KIF6: variants seen among roughly 807,000 people sequenced by gnomAD.
The protein encoded by KIF6 is kinesin family member 6, also known as kinesin-like protein KIF6.
KIF6 carries 106 observed loss-of-function variants against 112.7 expected under a neutral mutation model. The ratio of observed to expected loss-of-function variants is 0.94; its 90% CI spans 0.80 to 1.11. The LOEUF (loss-of-function observed/expected upper bound fraction) is 1.11. KIF6 is among the 50% of genes least tolerant of loss of function. KIF6 has a pLI of 0.00. For missense variants in KIF6, 929 were observed against 964.0 expected (o/e 0.96, Z 0.48); for synonymous variants, 339 against 339.9 (o/e 1.00, Z 0.03).
At chr6:39,443,114 AAAT>A (rs370011414) in intron 13 of KIF6, among the ~76,000 whole-genome samples, 8,412 of 131,450 alleles carry the variant, frequency 0.064, 293 homozygotes, top group African/African-American at 0.076. Context: ...ACTGCATCTC[AAAT>A]AATAATAATA....
chr6:39,392,246 C>T (rs759522438), intron 15 of KIF6, among the ~76,000 whole-genome samples: 1 of 152,194 alleles, frequency 6.6e-6, no homozygotes, highest in Non-Finnish European at 1.5e-5. Context: ...CTGCTACATC[C>T]ATTCCACAGA....
chr6:39,365,016 C>T (rs879541253), intron 16 of KIF6, among the ~76,000 whole-genome samples: 4 of 152,086 alleles, frequency 2.6e-5, no homozygotes, highest in Non-Finnish European at 4.4e-5. Flanking sequence ...GTGTGATTGT[C>T]CTTTTGATCC....
chr6:39,364,334 T>G (rs1252738246), intron 16 of KIF6, among the ~76,000 whole-genome samples: 1 of 152,190 alleles, frequency 6.6e-6, no homozygotes, highest in Admixed American at 6.5e-5. Flanking sequence ...TTGGCCAGGA[T>G]GGTCTCGATC....
At chr6:39,468,873 A>G (rs1773957873) in intron 13 of KIF6, among the ~76,000 whole-genome samples, 1 of 152,130 alleles carries the variant, frequency 6.6e-6, no homozygotes, top group African/African-American at 2.4e-5. Flanking sequence ...TGTATCAAAT[A>G]GTATGTATAT....
At chr6:39,477,681 T>C (rs547646403) in intron 13 of KIF6, among the ~76,000 whole-genome samples, 1 of 152,026 alleles carries the variant, frequency 6.6e-6, no homozygotes, top group Non-Finnish European at 1.5e-5. Context: ...GCCAAAATAG[T>C]GAAACCCCAT....
rs1388408469 is a variant in KIF6, at chr6:39,540,167, T to C, written c.1481A>G (p.His494Arg). The C allele has an allele frequency of 2.5e-6, 4 of 1,614,018 alleles. No homozygotes were observed. Among genetic ancestry groups the C allele is most frequent in the Admixed American group, 1.7e-5 (1 of 59,972 alleles). The part of the protein sequence containing the change: ...KEKKKAQEAL[H>R]LAGMDRREFR... ...TTCACGTCTATCCATGCCAGCCAAG[T>C]GGAGAGCCTCCTGAGCTTTCTTCTT... is the stretch of plus-strand genomic sequence containing the variant. Residue 494 changes from histidine (H) to arginine (R), a missense_variant, in exon 13 of 23, where the codon CAC (histidine) becomes CGC (arginine). His to Arg is a conservative substitution (Grantham distance 29). This residue lies in a region of KIF6 where 688 missense variants were observed against 662.7 expected (regional missense o/e 1.04). Transcript: ENST00000287152.
At chr6:39,536,333 A>G (rs955909030) in intron 13 of KIF6, among the ~76,000 whole-genome samples, 2 of 152,220 alleles carry the variant, frequency 1.3e-5, no homozygotes. Flanking sequence ...CTAATAAAGA[A>G]AAAAAGAGAG....
chr6:39,690,334 A>G (rs1315254202), intron 3 of KIF6: 2 of 152,158 alleles, frequency 1.3e-5, no homozygotes, highest in Admixed American at 6.5e-5. Context: ...TAGGAAGAGG[A>G]CAATTCTGGA....
Position 39,385,754 on chromosome 6 carries a change from C to CATA in KIF6, c.1811-83_1811-82insTAT. On this transcript the variant is annotated intron_variant, in intron 15 of 22. Coordinates refer to ENST00000287152, the MANE Select transcript of KIF6 (RefSeq NM_145027.6). ...TGCCTCAGAAGCATGTGGCAAGCTA[C>CATA]AGAAAAAAAAAAAAAAAGGTAGAGT... 5 of 394,952 alleles carry CATA rather than the reference C, an allele frequency of 1.3e-5. No individual in the cohort carries two copies. In the African/African-American group the frequency reaches 1.3e-4, roughly 11 times the overall value. The allele number at this position is 394,952 out of a possible 1,614,324, so 24.5% of individuals were successfully genotyped here.
intron 3 of KIF6, among the ~76,000 whole-genome samples, chr6:39,692,873 T>C (rs534629715): frequency 7.9e-5 from 12 of 152,236 alleles, no homozygotes; most frequent in African/African-American, 2.6e-4. Flanking sequence ...GTACTTAATA[T>C]AAAAAAGCCT....
chr6:39,494,818 C>CAA (rs200191454), intron 13 of KIF6, among the ~76,000 whole-genome samples: 2 of 145,600 alleles, frequency 1.4e-5, no homozygotes, highest in East Asian at 4.0e-4. Context: ...TTTTTACAGA[C>CAA]AAAAAAAAAG....
intron 13 of KIF6, among the ~76,000 whole-genome samples, chr6:39,482,019 C>T (rs1462973839): frequency 1.3e-5 from 2 of 151,626 alleles, no homozygotes; most frequent in Non-Finnish European, 2.9e-5. Context: ...CACACACACA[C>T]ACACACACAC....
intron 3 of KIF6, among the ~76,000 whole-genome samples, chr6:39,651,254 T>C (rs1785454870): frequency 6.6e-6 from 1 of 152,160 alleles, no homozygotes; most frequent in African/African-American, 2.4e-5. Flanking sequence ...TCCAGCCATC[T>C]GAATAGGTGG....
intron 3 of KIF6, among the ~76,000 whole-genome samples, chr6:39,665,539 A>T (rs183226098): frequency 3.3e-4 from 51 of 152,346 alleles, no homozygotes; most frequent in African/African-American, 1.2e-3. Flanking sequence ...GACAATTTTA[A>T]ATAGTTAAAA....
intron 5 of KIF6, among the ~76,000 whole-genome samples, chr6:39,615,298 T>C (rs1783452668): frequency 6.6e-6 from 1 of 152,182 alleles, no homozygotes; most frequent in Non-Finnish European, 1.5e-5. Context: ...TGATACACTT[T>C]GAAAGACCAA....
At chr6:39,410,706 A>G (rs1446350115) in intron 15 of KIF6, among the ~76,000 whole-genome samples, 2 of 152,232 alleles carry the variant, frequency 1.3e-5, no homozygotes, top group African/African-American at 2.4e-5. Flanking sequence ...ACAAAGGGGC[A>G]ATAGTGAGTT....
intron 3 of KIF6, among the ~76,000 whole-genome samples, chr6:39,713,438 A>G (rs113484329): frequency 0.067 from 10,266 of 152,272 alleles, 407 homozygotes; most frequent in Middle Eastern, 0.11. Flanking sequence ...TAGTGAATAT[A>G]GTAGGCCATT....
chr6:39,598,577 A>ATGTATGTGTG (rs147751211), intron 6 of KIF6, among the ~76,000 whole-genome samples: 2 of 147,860 alleles, frequency 1.4e-5, no homozygotes, highest in Non-Finnish European at 3.0e-5. Context: ...ATACATATAT[A>ATGTATGTGTG]TGTGTGTGTG....
At position 39,603,978 on chromosome 6, in the gene KIF6, C is replaced by T. The variant is rs1027317002; in HGVS notation, c.640-7718G>A. On this transcript the variant is annotated intron_variant, in intron 6 of 22. Transcript: ENST00000287152. ...AGATCAAATAAAGGAAATCTCTTTT[C>T]GATTGAACAGGACATTATAAAGCAT... Among the ~76,000 whole-genome samples the T allele has an allele frequency of 3.3e-4, 50 of 152,004 alleles. 1 individual carries two copies. Among genetic ancestry groups the T allele is most frequent in the Admixed American group, 7.2e-4 (11 of 15,230 alleles).
Sources: allele counts gnomAD v4.1 joint callset (sites outside exome capture counted in the v4.1 genomes callset), GRCh38; gene constraint gnomAD v4.1.1; regional missense constraint gnomAD v4.1.1; transcripts MANE v1.5; gene names NCBI Gene and HGNC (gene_info 2026-07-23, HGNC 2026-07-21).